The following ADAM32 variants were observed in gnomAD, a reference collection of about 807,000 sequenced individuals.
ADAM32 encodes disintegrin and metalloproteinase domain-containing protein 32.
In ADAM32, 89 loss-of-function variants were observed where a neutral mutation model predicts 114.9. The observed-to-expected ratio is 0.77, with a 90% CI of 0.65 to 0.92. The LOEUF (loss-of-function observed/expected upper bound fraction) is 0.92. Among genes scored for constraint, ADAM32 ranks in the 40% least tolerant of loss-of-function variants. The pLI is 0.00. For synonymous variants in ADAM32, 285 were observed against 307.5 expected, an observed-to-expected ratio of 0.93 and a Z score of 0.77; for missense variants, 870 against 932.8, an observed-to-expected ratio of 0.93 and a Z score of 0.88.
At chr8:39,130,461 G>T (rs1333489008) in intron 2 of ADAM32, among the ~76,000 whole-genome samples, 10 of 151,978 alleles carry the variant, frequency 6.6e-5, no homozygotes, top group Admixed American at 1.3e-4. Flanking sequence ...AATGTCTTAA[G>T]ATGGAAATTT....
At chr8:39,264,197 T>C (rs1372476829) in intron 19 of ADAM32, among the ~76,000 whole-genome samples, 1 of 152,222 alleles carries the variant, frequency 6.6e-6, no homozygotes, top group Non-Finnish European at 1.5e-5. Flanking sequence ...TGGGGTTTGG[T>C]ATATAAATGA....
chr8:39,158,531 C>A, intron 6 of ADAM32: 2 of 335,982 alleles, frequency 6.0e-6, no homozygotes, highest in Non-Finnish European at 5.7e-6. Flanking sequence ...GCCAGCTTCC[C>A]ACACGATGTG....
At chr8:39,203,897 G>A (rs1353053701) in intron 11 of ADAM32, among the ~76,000 whole-genome samples, 2 of 152,122 alleles carry the variant, frequency 1.3e-5, no homozygotes, top group Non-Finnish European at 2.9e-5. Flanking sequence ...ATGAAGCTTA[G>A]TTTGGCTGGA....
Position 39,136,830 on chromosome 8 carries a change from G to T in ADAM32, c.200+112G>T, listed in dbSNP as rs1802835504. The T allele has an allele frequency of 5.3e-6, 4 of 753,742 alleles. No homozygotes were observed. In the African/African-American group the frequency reaches 5.6e-5, roughly 10 times the overall value. The allele number at this position is 753,742 out of a possible 1,614,324, so 46.7% of individuals were successfully genotyped here. ...CATGGAATTATTAACTTTTTTAATT[G>T]TCTTAAGTGAAGAGATGCTGTCCTG... On this transcript the variant is annotated intron_variant, in intron 3 of 24. Transcript: ENST00000379907.
chr8:39,115,678 C>A (rs1005633618), intron 1 of ADAM32, among the ~76,000 whole-genome samples: 1 of 151,770 alleles, frequency 6.6e-6, no homozygotes, highest in Non-Finnish European at 1.5e-5. Context: ...ATATTTTCTG[C>A]ATTCTGCAGG....
At chr8:39,151,612 A>C in intron 6 of ADAM32, 64 bp downstream of exon 6, 1 of 1,176,894 alleles carries the variant, frequency 8.5e-7, no homozygotes, top group South Asian at 2.0e-5. Flanking sequence ...ATTTATTTAA[A>C]AAATAAATTT....
chr8:39,180,459 C>T (rs932266381), intron 10 of ADAM32, among the ~76,000 whole-genome samples: 18 of 152,234 alleles, frequency 1.2e-4, no homozygotes, highest in African/African-American at 3.6e-4. Context: ...ACGAGCGCTG[C>T]CCCCTGCTCC....
intron 6 of ADAM32, chr8:39,158,058 G>A: frequency 4.0e-6 from 1 of 252,240 alleles, no homozygotes; most frequent in African/African-American, 2.2e-5. Flanking sequence ...CTTTGCCCTT[G>A]GTCACCCGTT....
chr8:39,200,977 G>T (rs900810985), intron 11 of ADAM32, among the ~76,000 whole-genome samples: 1 of 152,038 alleles, frequency 6.6e-6, no homozygotes, highest in Non-Finnish European at 1.5e-5. Context: ...TGTTCCATTG[G>T]TCTATATCTC....
rs536498373 is a variant in ADAM32, at chr8:39,120,864, G to T, written c.138+2699G>T. Among the ~76,000 whole-genome samples the T allele has an allele frequency of 1.5e-4, 22 of 151,536 alleles. No homozygotes were observed. The East Asian group carries it at 3.5e-3, about 24-fold the overall frequency. On this transcript the variant is annotated intron_variant, in intron 2 of 24. Transcript: ENST00000379907. ...GAGATCCTTGTTAAAAAGTGGCAAAGAACTTGGCTGAATTGTGTTCTAGTC... is the reference window on the plus strand; with the variant it reads ...GAGATCCTTGTTAAAAAGTGGCAAATAACTTGGCTGAATTGTGTTCTAGTC...
intron 20 of ADAM32, among the ~76,000 whole-genome samples, chr8:39,273,132 A>G (rs1585698757): frequency 2.0e-5 from 3 of 152,158 alleles, no homozygotes; most frequent in Admixed American, 2.0e-4. Context: ...TTCGTCTTGA[A>G]GGACCTGCTT....
rs747125299 is a variant in ADAM32 at position 39,211,221 on chromosome 8, A to C, written c.1130A>C (p.Lys377Thr). 9 of 1,608,292 alleles carry C rather than the reference A, an allele frequency of 5.6e-6. No homozygotes were observed. The highest frequency in any genetic ancestry group is 4.0e-5 in the African/African-American group (3 of 74,666). ...AATTTCATTTCAAATGTGGGTGTCA[A>C]ATGTCTTCAGAATAAGCCACAAATG... is the stretch of plus-strand genomic sequence containing the variant. Reference protein sequence around the residue: ...FQNFISNVGVKCLQNKPQMQK... With the variant: ...FQNFISNVGVTCLQNKPQMQK... The change falls in exon 12 of 25, where the codon AAA becomes ACA. Residue 377 changes from lysine (K) to threonine (T), a missense_variant. Transcript: ENST00000379907.
chr8:39,161,073 C>A, intron 7 of ADAM32, 108 bp downstream of exon 7: 2 of 1,000,700 alleles, frequency 2.0e-6, no homozygotes, highest in South Asian at 2.0e-5. Context: ...ACTCACATGT[C>A]ATAGAGACAA....
At chr8:39,221,501 T>G in intron 12 of ADAM32, 109 bp from the exon 13 acceptor site, 1 of 796,202 alleles carries the variant, frequency 1.3e-6, no homozygotes, top group Non-Finnish European at 2.0e-6. Context: ...TCAGCAGCAT[T>G]CATATCCTTT....
intron 17 of ADAM32, among the ~76,000 whole-genome samples, chr8:39,249,476 T>C (rs1257504447): frequency 6.6e-6 from 1 of 152,164 alleles, no homozygotes; most frequent in African/African-American, 2.4e-5. Context: ...TATTTTTCTA[T>C]GGTTTTGATG....
intron 6 of ADAM32, among the ~76,000 whole-genome samples, chr8:39,153,353 A>C (rs1386976652): frequency 3.9e-5 from 6 of 152,334 alleles, no homozygotes; most frequent in Non-Finnish European, 5.9e-5. Flanking sequence ...CCCTGCCCAG[A>C]ACCCCTCATA....
At chr8:39,271,532 A>G in intron 20 of ADAM32, among the ~76,000 whole-genome samples, 1 of 132,704 alleles carries the variant, frequency 7.5e-6, no homozygotes, top group East Asian at 2.2e-4. Flanking sequence ...AGGTAATTGA[A>G]AAACCTCAAA....
chr8:39,201,662 A>G (rs1807421853), intron 11 of ADAM32, among the ~76,000 whole-genome samples: 1 of 152,204 alleles, frequency 6.6e-6, no homozygotes, highest in Non-Finnish European at 1.5e-5. Context: ...TTCCAACAGT[A>G]TGTTGAATAC....
At chr8:39,248,378 T>C (rs1047513641) in intron 17 of ADAM32, among the ~76,000 whole-genome samples, 1 of 152,212 alleles carries the variant, frequency 6.6e-6, no homozygotes, top group Non-Finnish European at 1.5e-5. Context: ...CAGTGTTTTG[T>C]AGTTTTCTTC....
Sources: allele counts gnomAD v4.1 joint callset (sites outside exome capture counted in the v4.1 genomes callset), GRCh38; gene constraint gnomAD v4.1.1; transcripts MANE v1.5; gene names NCBI Gene and HGNC (gene_info 2026-07-23, HGNC 2026-07-21).